The following FBXL17 variants were observed in gnomAD, a reference collection of about 807,000 sequenced individuals.
FBXL17 encodes F-box and leucine rich repeat protein 17, also known as F-box/LRR-repeat protein 17.
A neutral mutation model predicts 66.2 loss-of-function variants in FBXL17; 22 were observed. The ratio of observed to expected loss-of-function variants is 0.33; its 90% CI spans 0.24 to 0.47. The LOEUF (loss-of-function observed/expected upper bound fraction) is 0.47, where lower values mean the gene tolerates loss of function less well. FBXL17 is among the 20% of genes least tolerant of loss of function. FBXL17 has a pLI of 1.00. For missense variants in FBXL17, 878 were observed against 948.2 expected, an observed-to-expected ratio of 0.93 and a Z score of 0.97; for synonymous variants, 474 against 400.5, an observed-to-expected ratio of 1.18 and a Z score of -2.19.
intron 7 of FBXL17, among the ~76,000 whole-genome samples, chr5:107,885,692 C>T (rs181428599): frequency 1.2e-4 from 18 of 152,150 alleles, no homozygotes; most frequent in African/African-American, 3.4e-4. Flanking sequence ...TACCACCCTT[C>T]GTAAAAAGCA....
intron 4 of FBXL17, among the ~76,000 whole-genome samples, chr5:108,230,482 ACAT>A (rs1238346602): frequency 1.3e-5 from 2 of 152,176 alleles, no homozygotes; most frequent in Non-Finnish European, 2.9e-5. Flanking sequence ...GGAAAAACAA[ACAT>A]CATATGTTCT....
intron 5 of FBXL17, among the ~76,000 whole-genome samples, chr5:108,200,359 A>T (rs1347356075): frequency 6.6e-6 from 1 of 152,050 alleles, no homozygotes. Flanking sequence ...GCATGAAGCA[A>T]AAGAAAAGAA....
intron 6 of FBXL17, among the ~76,000 whole-genome samples, chr5:108,068,462 G>T (rs201348573): frequency 0.023 from 3,457 of 149,574 alleles, 337 homozygotes; most frequent in Admixed American, 0.16. Context: ...TTTTTTTGGG[G>T]GGGGGGCGGG....
At chr5:108,075,312 C>G (rs182446539) in intron 6 of FBXL17, among the ~76,000 whole-genome samples, 2 of 152,088 alleles carry the variant, frequency 1.3e-5, no homozygotes. Context: ...TTATCTTCCT[C>G]TAACTAACAC....
chr5:108,239,721 G>T (rs553177208), intron 4 of FBXL17, among the ~76,000 whole-genome samples: 1 of 152,178 alleles, frequency 6.6e-6, no homozygotes. Context: ...ACCACCTGGC[G>T]GGAGCTGGGG....
chr5:108,080,284 A>G (rs966476960), intron 6 of FBXL17, among the ~76,000 whole-genome samples: 3 of 152,230 alleles, frequency 2.0e-5, no homozygotes, highest in African/African-American at 7.2e-5. Flanking sequence ...CTGTTCTATT[A>G]ATTATTTATA....
intron 7 of FBXL17, among the ~76,000 whole-genome samples, chr5:107,973,250 G>C (rs147428061): frequency 6.6e-6 from 1 of 152,070 alleles, no homozygotes; most frequent in East Asian, 1.9e-4. Flanking sequence ...GAGCAAGCTT[G>C]TCCAACCTGT....
At chr5:108,176,393 A>G (rs1290158174) in intron 6 of FBXL17, among the ~76,000 whole-genome samples, 1 of 152,202 alleles carries the variant, frequency 6.6e-6, no homozygotes, top group East Asian at 1.9e-4. Flanking sequence ...TATCCGTAAT[A>G]TGATTCTATG....
chr5:108,054,695 T>A (rs1480850101), intron 6 of FBXL17, among the ~76,000 whole-genome samples: 4 of 152,222 alleles, frequency 2.6e-5, no homozygotes, highest in African/African-American at 7.2e-5. Context: ...TATAAGGCTG[T>A]CCTTTCCTCA....
chr5:108,159,839 C>G (rs1333653039), intron 6 of FBXL17, among the ~76,000 whole-genome samples: 1 of 151,916 alleles, frequency 6.6e-6, no homozygotes, highest in East Asian at 1.9e-4. Context: ...CTTTTACGAG[C>G]CAAAATCCCC....
At chr5:108,317,334 G>GT (rs796281587) in intron 4 of FBXL17, among the ~76,000 whole-genome samples, 147 of 138,952 alleles carry the variant, frequency 1.1e-3, no homozygotes, top group Middle Eastern at 7.2e-3. Context: ...TTTGTTTTTT[G>GT]TTTTTTTTTT....
intron 7 of FBXL17, among the ~76,000 whole-genome samples, chr5:107,930,715 G>T (rs1441561307): frequency 5.3e-5 from 8 of 152,112 alleles, no homozygotes; most frequent in Non-Finnish European, 7.4e-5. Flanking sequence ...GGTTCCTTAA[G>T]TTCTTTTATA....
chr5:108,190,141 G>A (rs994720570), intron 5 of FBXL17, among the ~76,000 whole-genome samples: 9 of 152,188 alleles, frequency 5.9e-5, no homozygotes, highest in Admixed American at 3.9e-4. Context: ...CTGCGGTGAC[G>A]TTGTATTGCT....
At chr5:107,999,483 A>ACC (rs1310412622) in intron 7 of FBXL17, among the ~76,000 whole-genome samples, 1 of 138,530 alleles carries the variant, frequency 7.2e-6, no homozygotes, top group Admixed American at 7.4e-5. Context: ...ACACACACAC[A>ACC]CCACACACAC....
intron 6 of FBXL17, among the ~76,000 whole-genome samples, chr5:108,048,560 T>C (rs919189204): frequency 1.3e-5 from 2 of 152,168 alleles, no homozygotes; most frequent in East Asian, 1.9e-4. Flanking sequence ...AGAACCTTGA[T>C]AGAAGGTTAG....
intron 4 of FBXL17, among the ~76,000 whole-genome samples, chr5:108,337,214 C>G (rs1392757931): frequency 1.3e-5 from 2 of 151,372 alleles, no homozygotes; most frequent in Non-Finnish European, 2.9e-5. Flanking sequence ...CAAGATCGTG[C>G]CACTGCACTC....
chr5:108,051,913 A>G (rs762870235), intron 6 of FBXL17, among the ~76,000 whole-genome samples: 16 of 152,084 alleles, frequency 1.1e-4, no homozygotes, highest in Non-Finnish European at 1.6e-4. Flanking sequence ...GATCTAGACC[A>G]TCATGGCTAA....
chr5:107,902,603 C>G (rs1749606500), intron 7 of FBXL17, among the ~76,000 whole-genome samples: 2 of 152,100 alleles, frequency 1.3e-5, no homozygotes, highest in African/African-American at 2.4e-5. Context: ...TTAAGCAAAG[C>G]ATGGGTATCT....
intron 6 of FBXL17, among the ~76,000 whole-genome samples, chr5:108,114,241 A>T (rs1467663661): frequency 6.6e-6 from 1 of 152,154 alleles, no homozygotes; most frequent in Non-Finnish European, 1.5e-5. Flanking sequence ...GAACTTTACA[A>T]TTGTTTATTT....
Sources: gnomAD v4.1 joint callset for allele counts (sites outside exome capture counted in the v4.1 genomes callset) on GRCh38, gnomAD v4.1.1 for gene constraint, MANE v1.5 for transcripts, NCBI Gene and HGNC (gene_info 2026-07-23, HGNC 2026-07-21) for gene names.